NAV3: variants seen among roughly 807,000 people sequenced by gnomAD.
NAV3 encodes pore membrane and/or filament interacting like protein 1.
NAV3 carries 87 observed loss-of-function variants against 244.7 expected under a neutral mutation model. The ratio of observed to expected loss-of-function variants is 0.36; its 90% CI spans 0.30 to 0.42. The LOEUF (loss-of-function observed/expected upper bound fraction) is 0.42, where lower values mean the gene tolerates loss of function less well. Ranked by LOEUF, NAV3 falls within the 20% of genes least tolerant of loss-of-function variation. NAV3 has a pLI of 1.00. For synonymous variants in NAV3, 1,126 were observed against 1,042.2 expected, an observed-to-expected ratio of 1.08 and a Z score of -1.55; for missense variants, 2,663 against 2,893.3, an observed-to-expected ratio of 0.92 and a Z score of 1.83.
intron 2 of NAV3, among the ~76,000 whole-genome samples, chr12:77,708,703 T>G (rs1875956157): frequency 6.6e-6 from 1 of 152,230 alleles, no homozygotes; most frequent in Non-Finnish European, 1.5e-5. Flanking sequence ...CATGGAATGT[T>G]CTTCCATTTG....
At chr12:78,099,364 G>C (rs1314202312) in intron 12 of NAV3, among the ~76,000 whole-genome samples, 1 of 151,462 alleles carries the variant, frequency 6.6e-6, no homozygotes, top group Non-Finnish European at 1.5e-5. Flanking sequence ...GTGTTAACTA[G>C]GTAAATTTTT....
At chr12:78,072,316 A>G (rs1952813703) in intron 12 of NAV3, among the ~76,000 whole-genome samples, 1 of 142,116 alleles carries the variant, frequency 7.0e-6, no homozygotes. Context: ...AAAAGAGAGA[A>G]GAATCAAATA....
intron 1 of NAV3, among the ~76,000 whole-genome samples, chr12:77,866,427 C>T (rs1880038984): frequency 6.6e-6 from 1 of 152,178 alleles, no homozygotes; most frequent in African/African-American, 2.4e-5. Context: ...CAGAGGCCCC[C>T]TGGTCTATGC....
chr12:78,022,105 T>C (rs1877252121), intron 9 of NAV3, among the ~76,000 whole-genome samples: 1 of 152,106 alleles, frequency 6.6e-6, no homozygotes, highest in Non-Finnish European at 1.5e-5. Context: ...CTCAGTCAAG[T>C]AGTTGAATAA....
At chr12:78,038,439 T>G (rs984269486) in intron 9 of NAV3, among the ~76,000 whole-genome samples, 22 of 152,216 alleles carry the variant, frequency 1.4e-4, no homozygotes, top group African/African-American at 5.3e-4. Context: ...ATGTAGACCC[T>G]CCTGTTACAA....
chr12:77,981,579 A>G (rs1869568998), intron 5 of NAV3, among the ~76,000 whole-genome samples: 1 of 152,092 alleles, frequency 6.6e-6, no homozygotes, highest in African/African-American at 2.4e-5. Context: ...AAACTTTAAA[A>G]AATATATTTA....
At chr12:78,128,231 T>A (rs1956005833) in intron 17 of NAV3, among the ~76,000 whole-genome samples, 1 of 150,010 alleles carries the variant, frequency 6.7e-6, no homozygotes, top group Non-Finnish European at 1.5e-5. Context: ...AGGCATGATG[T>A]CAAGTGGCAG....
At chr12:77,910,309 AAGAG>A (rs369188453) in intron 1 of NAV3, among the ~76,000 whole-genome samples, 1 of 151,944 alleles carries the variant, frequency 6.6e-6, no homozygotes, top group Non-Finnish European at 1.5e-5. Flanking sequence ...AAGAGGGAGC[AAGAG>A]AGAGAGGGGA....
intron 2 of NAV3, among the ~76,000 whole-genome samples, chr12:77,634,989 G>A (rs1872092997): frequency 6.6e-6 from 1 of 152,098 alleles, no homozygotes; most frequent in Admixed American, 6.5e-5. Flanking sequence ...GGCACTTTGG[G>A]ATGCCAAGGT....
chr12:77,844,618 C>G (rs759014832), intron 1 of NAV3, among the ~76,000 whole-genome samples: 32 of 152,076 alleles, frequency 2.1e-4, no homozygotes, highest in Non-Finnish European at 4.3e-4. Flanking sequence ...ATTATTTTCT[C>G]CCCTTATCCC....
intron 2 of NAV3, among the ~76,000 whole-genome samples, chr12:77,726,736 GGACTT>G (rs1441627996): frequency 4.0e-5 from 6 of 150,838 alleles, no homozygotes; most frequent in Non-Finnish European, 7.4e-5. Flanking sequence ...GCAACAAAAA[GGACTT>G]GAGTAAAACA....
At chr12:77,659,579 A>T (rs1873326066) in intron 2 of NAV3, among the ~76,000 whole-genome samples, 1 of 152,190 alleles carries the variant, frequency 6.6e-6, no homozygotes, top group East Asian at 1.9e-4. Context: ...AGAACTAGAA[A>T]TACTATTTGA....
At chr12:78,002,965 A>G (rs1873563281) in intron 7 of NAV3, among the ~76,000 whole-genome samples, 2 of 151,702 alleles carry the variant, frequency 1.3e-5, no homozygotes, top group African/African-American at 4.8e-5. Flanking sequence ...ATGCCTGTAC[A>G]TAAATTACAT....
In NAV3 at chr12:78,050,953, A is replaced by G. The variant is rs1234915566; in HGVS notation, c.2322A>G (p.Thr774=). 4 of 1,613,918 alleles carry G rather than the reference A, an allele frequency of 2.5e-6. No individual in the cohort carries two copies. The African/African-American group carries it at 5.3e-5, about 22-fold the overall frequency. The change falls in exon 11 of 40, where the codon ACA becomes ACG. Residue 774 remains threonine (T), a synonymous_variant. Coordinates refer to ENST00000397909, the MANE Select transcript of NAV3 (RefSeq NM_001024383.2). ...PRSGTSRFIH[T]DPSRFMYTTP... ...GTGGTACCAGTCGATTCATCCACAC[A>G]GACCCCTCGAGGTTCATGTATACCA...
intron 34 of NAV3, among the ~76,000 whole-genome samples, chr12:78,192,692 G>A (rs1408545151): frequency 6.6e-6 from 1 of 152,060 alleles, no homozygotes; most frequent in East Asian, 1.9e-4. Context: ...TTACAGGCAT[G>A]AGCCACTGTG....
rs979275701 is a variant in NAV3, at chr12:77,774,685, G to A, written c.73-165634G>A. Among the ~76,000 whole-genome samples the A allele has an allele frequency of 7.2e-5, 11 of 152,134 alleles. No homozygotes were observed. The South Asian group carries it at 8.3e-4, about 11-fold the overall frequency. ...TCCCTCAGCTCTGCAAAATACTCCTGCAGGTCAATTCCTGAAAGCAGATGA... is the reference window on the plus strand; with the variant it reads ...TCCCTCAGCTCTGCAAAATACTCCTACAGGTCAATTCCTGAAAGCAGATGA... On this transcript the variant is annotated intron_variant, in intron 2 of 8. Coordinates refer to the NAV3 transcript ENST00000550042.
At chr12:77,726,183 T>C (rs11106441) in intron 2 of NAV3, among the ~76,000 whole-genome samples, 96,462 of 151,418 alleles carry the variant, frequency 0.64, 34,714 homozygotes, top group East Asian at 0.88. Context: ...TGTGCATTTT[T>C]CCAGAGTTGA....
intron 28 of NAV3, 100 bp downstream of exon 28, chr12:78,177,785 C>T (rs1411379910): frequency 1.0e-6 from 1 of 974,080 alleles, no homozygotes; most frequent in Non-Finnish European, 1.5e-6. Flanking sequence ...TGCATTTCAA[C>T]AATAAATACC....
chr12:78,105,974 A>G (rs1954782191), intron 12 of NAV3, among the ~76,000 whole-genome samples: 1 of 151,444 alleles, frequency 6.6e-6, no homozygotes, highest in African/African-American at 2.4e-5. Context: ...TGTTTCCTTT[A>G]TAATGCTTTT....
Sources: gnomAD v4.1 joint callset for allele counts (sites outside exome capture counted in the v4.1 genomes callset) on GRCh38, gnomAD v4.1.1 for gene constraint, MANE v1.5 for transcripts, NCBI Gene and HGNC (gene_info 2026-07-23, HGNC 2026-07-21) for gene names.